The following WASHC5 variants were observed in gnomAD, a reference collection of about 807,000 sequenced individuals.
The protein encoded by WASHC5 is WASH complex subunit 5, also known as WASH complex subunit strumpellin.
WASHC5 carries 101 observed loss-of-function variants against 150.4 expected under a neutral mutation model. That is an observed-to-expected ratio of 0.67 (90% CI 0.57 to 0.79). The LOEUF (loss-of-function observed/expected upper bound fraction) is 0.79, where lower values mean the gene tolerates loss of function less well. Among genes scored for constraint, WASHC5 ranks in the 30% least tolerant of loss-of-function variants. The probability of loss-of-function intolerance (pLI) is 0.00; values close to 1 mark genes in which losing one functional copy is unlikely to be tolerated. For missense variants in WASHC5, 1,195 were observed against 1,396.3 expected (o/e 0.86, Z 2.30); for synonymous variants, 467 against 491.2 (o/e 0.95, Z 0.65).
In WASHC5 at chr8:125,024,402, T is replaced by G. The variant is rs1245672455; in HGVS notation, c.*215A>C. On this transcript the variant is annotated 3_prime_UTR_variant, in exon 29 of 29. Transcript: ENST00000318410. ...TACAAAAATGTGTTCTGCTTTTATC[T>G]GATATAAATTGCATGTAATACCATG... 8.3e-6 allele frequency: 5 copies of G among 602,720 alleles called. No homozygotes were observed. In the East Asian group the frequency reaches 1.2e-4, roughly 14 times the overall value. The allele number at this position is 602,720 out of a possible 1,614,324, so 37.3% of individuals were successfully genotyped here. A position where few individuals can be genotyped will look rare whatever the true frequency, so the allele number is the denominator to read the frequency against.
At chr8:125,060,363 G>A (rs981037424) in intron 12 of WASHC5, among the ~76,000 whole-genome samples, 7 of 152,004 alleles carry the variant, frequency 4.6e-5, no homozygotes, top group Non-Finnish European at 1.0e-4. Flanking sequence ...GCAGGCGCCT[G>A]TAGTCCCAGC....
At chr8:125,071,118 A>G (rs925622043) in intron 9 of WASHC5, among the ~76,000 whole-genome samples, 7 of 152,234 alleles carry the variant, frequency 4.6e-5, no homozygotes, top group Admixed American at 3.9e-4. Flanking sequence ...TTGGTCCTCA[A>G]GGAAAGTTTG....
chr8:125,060,451 A>G (rs1359480212), intron 12 of WASHC5, among the ~76,000 whole-genome samples: 3 of 149,596 alleles, frequency 2.0e-5, no homozygotes, highest in African/African-American at 7.6e-5. Flanking sequence ...GTGCCCCTGC[A>G]CTCCAGCCTG....
At chr8:125,036,228 A>C (rs965498497) in intron 26 of WASHC5, among the ~76,000 whole-genome samples, 1 of 152,214 alleles carries the variant, frequency 6.6e-6, no homozygotes, top group African/African-American at 2.4e-5. Context: ...ATCCTGTTGA[A>C]AGAACAGAAC....
intron 9 of WASHC5, among the ~76,000 whole-genome samples, chr8:125,069,056 C>T (rs1025475829): frequency 6.6e-6 from 1 of 152,250 alleles, no homozygotes; most frequent in African/African-American, 2.4e-5. Context: ...ATGTTAGACA[C>T]TTGGTTGCCA....
At position 125,040,073 on chromosome 8, in the gene WASHC5, A is replaced by C. The variant is rs539489529; in HGVS notation, c.2851-175T>G. On this transcript the variant is annotated intron_variant, in intron 23 of 28. Transcript: ENST00000318410. ...CTAAGACCAGCACTGGATCTAATGA[A>C]GCACCAGAGGCCCTTCAAGGAATGT... Among the ~76,000 whole-genome samples the C allele has an allele frequency of 3.3e-5, 5 of 152,330 alleles. No homozygotes were observed. In the East Asian group the frequency reaches 7.7e-4, roughly 24 times the overall value.
intron 28 of WASHC5, 37 bp from the exon 29 acceptor site, chr8:125,024,710 T>C (rs778541992): frequency 2.5e-5 from 36 of 1,413,822 alleles, no homozygotes; most frequent in Non-Finnish European, 3.1e-5. Context: ...CATGGTGTTA[T>C]AGTTGAACAA....
chr8:125,075,451 G>C (rs1335037548), intron 7 of WASHC5, among the ~76,000 whole-genome samples: 3 of 152,214 alleles, frequency 2.0e-5, no homozygotes, highest in African/African-American at 7.2e-5. Context: ...CACTGTGCTA[G>C]GGTATTTTTT....
At chr8:125,032,158 C>T (rs970926694) in intron 27 of WASHC5, 83 bp downstream of exon 27, 20 of 1,470,064 alleles carry the variant, frequency 1.4e-5, no homozygotes, top group African/African-American at 5.6e-5. Context: ...TCTATTAGGG[C>T]GATAAGAGGA....
intron 28 of WASHC5, among the ~76,000 whole-genome samples, chr8:125,025,709 T>C (rs1273607572): frequency 6.6e-6 from 1 of 152,146 alleles, no homozygotes; most frequent in Non-Finnish European, 1.5e-5. Context: ...AACCTGCACA[T>C]TCTGCACGTG....
At chr8:125,048,804 T>A (rs1816152078) in intron 19 of WASHC5, among the ~76,000 whole-genome samples, 1 of 152,162 alleles carries the variant, frequency 6.6e-6, no homozygotes, top group Non-Finnish European at 1.5e-5. Context: ...CATTTAATGA[T>A]GTCTGCCTTC....
chr8:125,037,237 C>A lies in WASHC5; in HGVS notation c.3181G>T (p.Gly1061Ter). ...LPKLQYNKNLGMVCRKPTDPV... is the reference protein window; with the variant it reads ...LPKLQYNKNL ...TGCAAATAATAAATGTTATACGTAC[C>A]CAGATTTTTGTTGTATTGAAGTTTT... The change falls in exon 26 of 29, where the codon GGA becomes TGA. Residue 1061 changes from glycine to a stop codon, truncating the protein, a stop_gained and splice_region_variant. Transcript: ENST00000318410. LOFTEE classifies it high-confidence loss of function. The A allele has an allele frequency of 1.3e-6, 2 of 1,559,752 alleles. No individual in the cohort carries two copies. The highest frequency in any genetic ancestry group is 1.8e-6 in the Non-Finnish European group (2 of 1,130,982).
At chr8:125,063,838 A>C (rs1057167094) in intron 10 of WASHC5, among the ~76,000 whole-genome samples, 187 bp from the exon 11 acceptor site, 5 of 152,142 alleles carry the variant, frequency 3.3e-5, no homozygotes, top group African/African-American at 1.2e-4. Flanking sequence ...AAGCCAGACC[A>C]CCTCCAAAAC....
At chr8:125,033,957 A>G (rs1413442076) in intron 26 of WASHC5, among the ~76,000 whole-genome samples, 1 of 152,216 alleles carries the variant, frequency 6.6e-6, no homozygotes, top group Non-Finnish European at 1.5e-5. Context: ...TTACCAGTAA[A>G]AAAATACATA....
chr8:125,085,970 T>G lies in WASHC5; in HGVS notation c.-124-1948A>C, dbSNP rs188933751. On this transcript the variant is annotated intron_variant, in intron 1 of 28. Coordinates refer to ENST00000318410, the MANE Select transcript of WASHC5 (RefSeq NM_014846.4). Reference sequence around the variant, plus strand: ...ATCATTTTTCTTAGTTCTAGGGGCTTGGAAAGCAATCTGATTATAATAATG... The same window carrying G: ...ATCATTTTTCTTAGTTCTAGGGGCTGGGAAAGCAATCTGATTATAATAATG... Among the ~76,000 whole-genome samples the G allele has an allele frequency of 9.2e-5, 14 of 152,244 alleles. No individual in the cohort carries two copies. The East Asian group carries it at 2.7e-3, about 29-fold the overall frequency.
rs761575655 is a variant in WASHC5 at position 125,056,843 on chromosome 8, C to T, written c.1876-26G>A. On this transcript the variant is annotated intron_variant, in intron 15 of 28. Coordinates refer to ENST00000318410, the MANE Select transcript of WASHC5 (RefSeq NM_014846.4). ...CTTCAGTGAAAAGGAAAGCAGGAAA[C>T]GCAATGAACATCTGTTTTACTTTTC... 34 of 1,613,842 alleles carry T rather than the reference C, an allele frequency of 2.1e-5. 1 individual carries two copies. Among genetic ancestry groups the T allele is most frequent in the South Asian group, 1.5e-4 (14 of 91,068 alleles).
intron 10 of WASHC5, among the ~76,000 whole-genome samples, chr8:125,064,749 A>G (rs1198474831): frequency 6.6e-6 from 1 of 152,150 alleles, no homozygotes; most frequent in Admixed American, 6.5e-5. Flanking sequence ...TCGCTTAAGA[A>G]ATTCCTCACT....
intron 27 of WASHC5, 132 bp downstream of exon 27, chr8:125,032,109 A>C: frequency 9.6e-7 from 1 of 1,043,086 alleles, no homozygotes; most frequent in Admixed American, 1.7e-5. Context: ...GTATGCCCTG[A>C]CTTGCTTTAC....
intron 26 of WASHC5, among the ~76,000 whole-genome samples, chr8:125,033,747 T>C (rs1815613525): frequency 6.6e-6 from 1 of 152,034 alleles, no homozygotes; most frequent in South Asian, 2.1e-4. Context: ...CGGGTTTCAC[T>C]ATGTTGACCA....
Sources: allele counts gnomAD v4.1 joint callset (sites outside exome capture counted in the v4.1 genomes callset), GRCh38; gene constraint gnomAD v4.1.1; transcripts MANE v1.5; gene names NCBI Gene and HGNC (gene_info 2026-07-23, HGNC 2026-07-21).